The following ZFAND3 variants were observed in gnomAD, a reference collection of about 807,000 sequenced individuals.
ZFAND3 encodes AN1-type zinc finger protein 3.
In ZFAND3, 10 loss-of-function variants were observed where a neutral mutation model predicts 29.6. That is an observed-to-expected ratio of 0.34 (90% confidence interval 0.21 to 0.57). The LOEUF (loss-of-function observed/expected upper bound fraction) is 0.57. Ranked by LOEUF, ZFAND3 falls within the 20% of genes least tolerant of loss-of-function variation. The pLI is 0.86. For synonymous variants in ZFAND3, 128 were observed against 112.6 expected, an observed-to-expected ratio of 1.14 and a Z score of -0.87; for missense variants, 230 against 304.5, an observed-to-expected ratio of 0.76 and a Z score of 1.82.
At chr6:38,020,760 T>A (rs1411990650) in intron 2 of ZFAND3, among the ~76,000 whole-genome samples, 3 of 152,202 alleles carry the variant, frequency 2.0e-5, no homozygotes, top group Admixed American at 6.5e-5. Context: ...CACTTCAGGC[T>A]GATGACCGTG....
At chr6:38,138,340 T>G (rs1765882944) in intron 5 of ZFAND3, among the ~76,000 whole-genome samples, 1 of 152,192 alleles carries the variant, frequency 6.6e-6, no homozygotes, top group Admixed American at 6.5e-5. Flanking sequence ...CAATTTGAAT[T>G]TTTATTATAT....
chr6:37,846,707 TTTTTTTTTTTG>T (rs1764184234), intron 1 of ZFAND3, among the ~76,000 whole-genome samples: 1 of 151,798 alleles, frequency 6.6e-6, no homozygotes, highest in Middle Eastern at 3.2e-3. Context: ...ACTTGTGATT[TTTTTTTTTTTG>T]TTTTTTTTTT....
chr6:37,930,118 CT>C, intron 2 of ZFAND3, 119 bp downstream of exon 2: 1 of 997,356 alleles, frequency 1.0e-6, no homozygotes, highest in Non-Finnish European at 1.4e-6. Context: ...GTTTTGTTTT[CT>C]TAGCTTGTGT....
chr6:38,148,428 C>T (rs1242757587), intron 5 of ZFAND3, among the ~76,000 whole-genome samples: 1 of 152,212 alleles, frequency 6.6e-6, no homozygotes, highest in Non-Finnish European at 1.5e-5. Context: ...TGGATGCCAC[C>T]GTCCTTGGCC....
At chr6:38,138,936 T>C (rs1057307723) in intron 5 of ZFAND3, among the ~76,000 whole-genome samples, 14 of 152,272 alleles carry the variant, frequency 9.2e-5, no homozygotes, top group South Asian at 2.1e-4. Flanking sequence ...GATGGAAATA[T>C]AAGTTCAAGA....
At chr6:38,146,497 G>A (rs950783135) in intron 5 of ZFAND3, among the ~76,000 whole-genome samples, 1 of 152,216 alleles carries the variant, frequency 6.6e-6, no homozygotes, top group African/African-American at 2.4e-5. Flanking sequence ...CAAGCAAAGG[G>A]ACGCCCACAC....
chr6:38,071,984 A>G (rs1042687108), intron 3 of ZFAND3, among the ~76,000 whole-genome samples: 5 of 152,114 alleles, frequency 3.3e-5, no homozygotes, highest in Non-Finnish European at 5.9e-5. Flanking sequence ...TAGCTACTTA[A>G]TTTTTTAAAA....
At chr6:38,023,596 A>T (rs993177751) in intron 2 of ZFAND3, among the ~76,000 whole-genome samples, 1 of 152,180 alleles carries the variant, frequency 6.6e-6, no homozygotes, top group Non-Finnish European at 1.5e-5. Context: ...GCTACCTGTA[A>T]TCTGACTTTT....
chr6:38,075,816 ATC>A (rs796468893), intron 3 of ZFAND3, among the ~76,000 whole-genome samples: 27 of 152,146 alleles, frequency 1.8e-4, no homozygotes, highest in African/African-American at 6.0e-4. Context: ...CAGTGGCGCA[ATC>A]TCTGCTCACT....
At chr6:37,829,707 G>GC (rs1763824865) in intron 1 of ZFAND3, among the ~76,000 whole-genome samples, 1 of 152,154 alleles carries the variant, frequency 6.6e-6, no homozygotes, top group African/African-American at 2.4e-5. Context: ...CTGTTAACTA[G>GC]CTCACCCTGT....
intron 1 of ZFAND3, among the ~76,000 whole-genome samples, chr6:37,891,605 AAATAAATC>A (rs1765104432): frequency 2.0e-5 from 3 of 151,958 alleles, no homozygotes; most frequent in African/African-American, 7.3e-5. Context: ...ATAAATAAAT[AAATAAATC>A]ATAGAACAAC....
intron 2 of ZFAND3, among the ~76,000 whole-genome samples, chr6:38,020,653 G>A (rs1763333152): frequency 6.6e-6 from 1 of 152,070 alleles, no homozygotes; most frequent in Non-Finnish European, 1.5e-5. Context: ...TCCTTATTTT[G>A]CCTCTCTCCC....
At chr6:37,982,564 A>G (rs1221270170) in intron 2 of ZFAND3, among the ~76,000 whole-genome samples, 2 of 152,156 alleles carry the variant, frequency 1.3e-5, no homozygotes, top group South Asian at 2.1e-4. Flanking sequence ...TCCTAACACA[A>G]TACATTACAC....
intron 5 of ZFAND3, among the ~76,000 whole-genome samples, chr6:38,126,044 TC>T (rs772756606): frequency 9.8e-5 from 15 of 152,342 alleles, no homozygotes; most frequent in South Asian, 2.1e-4. Context: ...GTACAATACT[TC>T]CATCATCCCA....
At chr6:37,892,293 T>G (rs1188092337) in intron 1 of ZFAND3, among the ~76,000 whole-genome samples, 1 of 152,144 alleles carries the variant, frequency 6.6e-6, no homozygotes, top group Non-Finnish European at 1.5e-5. Flanking sequence ...ACATAGCATG[T>G]GAAAATGTAT....
chr6:37,979,527 A>G (rs1350697972), intron 2 of ZFAND3, among the ~76,000 whole-genome samples: 1 of 152,212 alleles, frequency 6.6e-6, no homozygotes, highest in African/African-American at 2.4e-5. Flanking sequence ...GAGGTGCTCA[A>G]TGTAGAGTTA....
At chr6:37,916,423 G>T (rs1433614819) in intron 1 of ZFAND3, among the ~76,000 whole-genome samples, 21 of 152,090 alleles carry the variant, frequency 1.4e-4, no homozygotes, top group Admixed American at 1.3e-3. Context: ...ACTTTGAGAG[G>T]CCAAGGCAGG....
At chr6:37,867,873 T>C (rs9470723) in intron 1 of ZFAND3, among the ~76,000 whole-genome samples, 106,202 of 152,080 alleles carry the variant, frequency 0.7, 37,642 homozygotes, top group African/African-American at 0.77. Context: ...GATTCTTGCC[T>C]TGGCTTTCTT....
At chr6:37,857,756 C>T (rs916757274) in intron 1 of ZFAND3, among the ~76,000 whole-genome samples, 38 of 152,288 alleles carry the variant, frequency 2.5e-4, no homozygotes, top group African/African-American at 7.9e-4. Context: ...CCAGTCCCTG[C>T]CTCCATAAGA....
Sources: gnomAD v4.1 joint callset for allele counts (sites outside exome capture counted in the v4.1 genomes callset) on GRCh38, gnomAD v4.1.1 for gene constraint, MANE v1.5 for transcripts, NCBI Gene and HGNC (gene_info 2026-07-23, HGNC 2026-07-21) for gene names.